Variants in R3HDM1 observed in about 807,000 individuals in gnomAD.
The protein encoded by R3HDM1 is R3H domain containing 1, also known as R3H domain-containing protein 1.
A neutral mutation model predicts 141.1 loss-of-function variants in R3HDM1; 46 were observed. That is an observed-to-expected ratio of 0.33 (90% CI 0.26 to 0.42). R3HDM1 has a LOEUF of 0.42. Ranked by LOEUF, R3HDM1 falls within the 10% of genes least tolerant of loss-of-function variation. The pLI is 1.00. For missense variants in R3HDM1, 1,184 were observed against 1,368.3 expected (o/e 0.87, Z 2.12); for synonymous variants, 435 against 472.9 (o/e 0.92, Z 1.04).
intron 1 of R3HDM1, among the ~76,000 whole-genome samples, chr2:135,545,702 C>T (rs1000903060): frequency 6.6e-6 from 1 of 152,150 alleles, no homozygotes; most frequent in East Asian, 1.9e-4. Flanking sequence ...TCATTAGTTA[C>T]GTGAATCATT....
intron 1 of R3HDM1, among the ~76,000 whole-genome samples, chr2:135,552,074 C>T (rs1699935703): frequency 6.6e-6 from 1 of 152,112 alleles, no homozygotes. Flanking sequence ...GTCTAATGTG[C>T]AAGGGATTTT....
intron 24 of R3HDM1, among the ~76,000 whole-genome samples, chr2:135,716,245 A>G (rs1250143128): frequency 2.0e-5 from 3 of 152,252 alleles, no homozygotes; most frequent in Admixed American, 2.0e-4. Context: ...GACTGCAGTG[A>G]GCTCTGATTA....
chr2:135,583,649 TA>T (rs1355214741), intron 1 of R3HDM1: 2 of 792,244 alleles, frequency 2.5e-6, no homozygotes, highest in Non-Finnish European at 3.1e-6. Context: ...TAAAAATTGT[TA>T]CCCTAAGATG....
chr2:135,635,407 A>G (rs1053521933), intron 9 of R3HDM1, among the ~76,000 whole-genome samples: 8 of 152,132 alleles, frequency 5.3e-5, no homozygotes, highest in African/African-American at 1.9e-4. Context: ...TTGACCTTGC[A>G]TATTTGCTTA....
intron 1 of R3HDM1, among the ~76,000 whole-genome samples, chr2:135,544,274 C>T (rs1319922841): frequency 3.3e-5 from 5 of 152,138 alleles, no homozygotes; most frequent in African/African-American, 1.2e-4. Flanking sequence ...AGTAAAAACA[C>T]ATCATATAGA....
intron 1 of R3HDM1, among the ~76,000 whole-genome samples, chr2:135,572,251 G>A (rs1326536049): frequency 6.6e-6 from 1 of 152,138 alleles, no homozygotes; most frequent in Non-Finnish European, 1.5e-5. Context: ...CACTGCACCT[G>A]GCCCCAGCCT....
At chr2:135,644,919 G>A (rs1034463567) in intron 15 of R3HDM1, among the ~76,000 whole-genome samples, 8 of 151,914 alleles carry the variant, frequency 5.3e-5, no homozygotes, top group East Asian at 1.9e-4. Context: ...CCATCTCTAC[G>A]AAAAATACAA....
chr2:135,697,168 G>A (rs1332027841), intron 21 of R3HDM1, among the ~76,000 whole-genome samples: 1 of 152,062 alleles, frequency 6.6e-6, no homozygotes, highest in Non-Finnish European at 1.5e-5. Flanking sequence ...GGAAGTGGTG[G>A]CATACTCCTG....
chr2:135,709,986 T>C (rs2075429743), intron 22 of R3HDM1, 73 bp from the exon 23 acceptor site: 28 of 1,425,054 alleles, frequency 2.0e-5, no homozygotes, highest in Non-Finnish European at 2.6e-5. Flanking sequence ...TTACTACTGT[T>C]ATCCTAGTGT....
At chr2:135,563,501 A>G (rs1379835419) in intron 1 of R3HDM1, among the ~76,000 whole-genome samples, 2 of 152,096 alleles carry the variant, frequency 1.3e-5, no homozygotes, top group African/African-American at 2.4e-5. Flanking sequence ...TTTATTGTAT[A>G]CTTTTTGGCT....
At chr2:135,539,750 TA>T (rs1363168479) in intron 1 of R3HDM1, among the ~76,000 whole-genome samples, 2 of 152,234 alleles carry the variant, frequency 1.3e-5, no homozygotes, top group Admixed American at 6.5e-5. Flanking sequence ...TCTTAATTTT[TA>T]AATATTGCTA....
chr2:135,602,012 A>C (rs1432491976), intron 1 of R3HDM1, among the ~76,000 whole-genome samples: 2 of 151,590 alleles, frequency 1.3e-5, no homozygotes, highest in Admixed American at 6.6e-5. Context: ...GGTTTCATTA[A>C]AAATGTTAAA....
intron 1 of R3HDM1, chr2:135,559,199 C>A (rs943648904): frequency 2.2e-5 from 6 of 278,810 alleles, no homozygotes; most frequent in African/African-American, 1.3e-4. Flanking sequence ...GCAGTCTCGA[C>A]CTTCTGGGCT....
At chr2:135,576,690 T>TA (rs1705516028) in intron 1 of R3HDM1, among the ~76,000 whole-genome samples, 1 of 152,204 alleles carries the variant, frequency 6.6e-6, no homozygotes, top group African/African-American at 2.4e-5. Context: ...AAAGCAGTGA[T>TA]ACATGCTACA....
chr2:135,642,431 G>A (rs912094090), intron 15 of R3HDM1, among the ~76,000 whole-genome samples: 7 of 152,122 alleles, frequency 4.6e-5, no homozygotes, highest in African/African-American at 1.4e-4. Flanking sequence ...TTGTTAGGTA[G>A]GTGAAATCCT....
intron 1 of R3HDM1, among the ~76,000 whole-genome samples, chr2:135,598,065 T>A (rs62168782): frequency 1.3e-5 from 2 of 152,208 alleles, no homozygotes; most frequent in Non-Finnish European, 2.9e-5. Context: ...ACTTCATATA[T>A]ACTAGTTTGC....
intron 1 of R3HDM1, among the ~76,000 whole-genome samples, chr2:135,571,548 A>C (rs1704114390): frequency 6.7e-6 from 1 of 149,060 alleles, no homozygotes. Context: ...CTGGTCTCGA[A>C]CTCCTGAGCT....
intron 19 of R3HDM1, among the ~76,000 whole-genome samples, chr2:135,668,715 C>G (rs2067889062): frequency 6.6e-6 from 1 of 152,198 alleles, no homozygotes; most frequent in South Asian, 2.1e-4. Flanking sequence ...TAGCAGCTCT[C>G]CTTGCACAAA....
At chr2:135,603,239 C>T (rs1317184335) in intron 2 of R3HDM1, among the ~76,000 whole-genome samples, 3 of 152,312 alleles carry the variant, frequency 2.0e-5, no homozygotes. Context: ...ATACACCTGC[C>T]TCAGCCTCCT....
Sources: allele counts gnomAD v4.1 joint callset (sites outside exome capture counted in the v4.1 genomes callset), GRCh38; gene constraint gnomAD v4.1.1; transcripts MANE v1.5; gene names NCBI Gene and HGNC (gene_info 2026-07-23, HGNC 2026-07-21).